Variants in SCMH1 observed in about 807,000 individuals in gnomAD.
SCMH1 encodes the protein polycomb protein SCMH1.
Under a neutral mutation model 70.8 loss-of-function variants are expected in SCMH1, and 37 were observed. The ratio of observed to expected loss-of-function variants is 0.52; its 90% CI spans 0.40 to 0.69. The LOEUF (loss-of-function observed/expected upper bound fraction) is 0.69. Among genes scored for constraint, SCMH1 ranks in the 30% least tolerant of loss-of-function variants. The pLI is 0.00. For missense variants in SCMH1, 607 were observed against 827.3 expected, an observed-to-expected ratio of 0.73 and a Z score of 3.27; for synonymous variants, 292 against 307.4, an observed-to-expected ratio of 0.95 and a Z score of 0.52.
chr1:41,167,015 C>G (rs1003146174), intron 2 of SCMH1, among the ~76,000 whole-genome samples: 3 of 151,978 alleles, frequency 2.0e-5, no homozygotes, highest in Non-Finnish European at 2.9e-5. Context: ...GAGGAACATT[C>G]CTTCCATATC....
At chr1:41,199,608 A>G (rs941318740) in intron 1 of SCMH1, among the ~76,000 whole-genome samples, 2 of 152,106 alleles carry the variant, frequency 1.3e-5, no homozygotes, top group Admixed American at 1.3e-4. Flanking sequence ...AAAAGCTAAT[A>G]TTAAAGGTTG....
chr1:41,077,283 A>C (rs1658583584), intron 8 of SCMH1, among the ~76,000 whole-genome samples: 1 of 152,104 alleles, frequency 6.6e-6, no homozygotes, highest in African/African-American at 2.4e-5. Context: ...CAGGCTTGGC[A>C]TGTGGTGAGG....
In SCMH1 at chr1:41,028,335, G is replaced by A. The variant is rs1277111438; in HGVS notation, c.1822-16C>T. On this transcript the variant is annotated splice_polypyrimidine_tract_variant and intron_variant, in intron 14 of 14. Transcript: ENST00000337495. The stretch of plus-strand genomic sequence containing the variant: ...CATCGATCTCCTGGGGGGTGGGGAG[G>A]TGGGCAGAAGTGGAAGGGAGGCACC... 1.2e-6 allele frequency: 2 copies of A among 1,612,712 alleles called. No individual in the cohort carries two copies. The highest frequency in any genetic ancestry group is 1.7e-5 in the Admixed American group (1 of 59,952).
intron 4 of SCMH1, among the ~76,000 whole-genome samples, chr1:41,156,303 A>G (rs1645537155): frequency 6.6e-6 from 1 of 152,234 alleles, no homozygotes; most frequent in Non-Finnish European, 1.5e-5. Flanking sequence ...CAAATTCTTA[A>G]AAACAATTAA....
At chr1:41,052,090 T>C (rs1027050149) in intron 10 of SCMH1, among the ~76,000 whole-genome samples, 1 of 152,250 alleles carries the variant, frequency 6.6e-6, no homozygotes, top group Non-Finnish European at 1.5e-5. Context: ...ACCATTGTGC[T>C]GCAACTGCCT....
chr1:41,177,951 T>C (rs909095292), intron 2 of SCMH1, among the ~76,000 whole-genome samples: 3 of 151,966 alleles, frequency 2.0e-5, no homozygotes, highest in African/African-American at 7.3e-5. Context: ...TTCACCAAAG[T>C]TGAAATGAAG....
intron 6 of SCMH1, among the ~76,000 whole-genome samples, chr1:41,131,683 C>A (rs894151452): frequency 2.6e-5 from 4 of 152,154 alleles, no homozygotes; most frequent in Admixed American, 6.5e-5. Flanking sequence ...AGGTATTTCT[C>A]CTAATGCTAT....
chr1:41,235,103 A>G (rs1304907075), intron 1 of SCMH1, among the ~76,000 whole-genome samples: 2 of 152,164 alleles, frequency 1.3e-5, no homozygotes, highest in Non-Finnish European at 2.9e-5. Flanking sequence ...TTCAACCAGA[A>G]CATTAGTTAC....
chr1:41,039,807 A>C (rs1222060829), intron 12 of SCMH1, among the ~76,000 whole-genome samples: 2 of 152,118 alleles, frequency 1.3e-5, no homozygotes. Flanking sequence ...TGTGTTCTAC[A>C]GAGCCCTGTG....
chr1:41,127,285 T>A (rs891165044), intron 6 of SCMH1, among the ~76,000 whole-genome samples: 15 of 152,184 alleles, frequency 9.9e-5, no homozygotes, highest in African/African-American at 3.1e-4. Flanking sequence ...TTGCAAATAT[T>A]TTCTCCCATT....
chr1:41,168,687 G>T (rs1240012114), intron 2 of SCMH1, among the ~76,000 whole-genome samples: 4 of 126,908 alleles, frequency 3.2e-5, no homozygotes, highest in Non-Finnish European at 1.6e-5. Context: ...TTTTGTGTTA[G>T]CTTCTATGCA....
intron 8 of SCMH1, among the ~76,000 whole-genome samples, chr1:41,100,271 C>T (rs938481882): frequency 1.3e-5 from 2 of 152,120 alleles, no homozygotes; most frequent in Non-Finnish European, 2.9e-5. Context: ...AAAGCACTTT[C>T]CACTTAGCCT....
At chr1:41,213,186 A>C (rs1046890048) in intron 1 of SCMH1, among the ~76,000 whole-genome samples, 7 of 152,230 alleles carry the variant, frequency 4.6e-5, no homozygotes, top group African/African-American at 1.7e-4. Flanking sequence ...CCTCCAAATT[A>C]GTTACAAACC....
intron 1 of SCMH1, among the ~76,000 whole-genome samples, chr1:41,221,998 C>A (rs1286013693): frequency 1.3e-5 from 2 of 149,936 alleles, no homozygotes; most frequent in Non-Finnish European, 3.0e-5. Context: ...GAGAGCAGAA[C>A]CATCTACAAA....
At chr1:41,217,061 G>T (rs1658242228) in intron 1 of SCMH1, among the ~76,000 whole-genome samples, 1 of 152,188 alleles carries the variant, frequency 6.6e-6, no homozygotes, top group Non-Finnish European at 1.5e-5. Context: ...GGGGTAACGG[G>T]TAGGGACTGA....
chr1:41,086,726 A>C (rs933343873), intron 8 of SCMH1, among the ~76,000 whole-genome samples: 1 of 152,120 alleles, frequency 6.6e-6, no homozygotes, highest in African/African-American at 2.4e-5. Context: ...GCAACATAGC[A>C]AGATGCTGTC....
At chr1:41,195,138 A>T (rs1349498096) in intron 1 of SCMH1, among the ~76,000 whole-genome samples, 2 of 144,388 alleles carry the variant, frequency 1.4e-5, no homozygotes, top group Non-Finnish European at 3.0e-5. Context: ...TCTCAAAAAA[A>T]AAAAAAAAAA....
intron 1 of SCMH1, among the ~76,000 whole-genome samples, chr1:41,235,113 C>T (rs1346516486): frequency 6.6e-6 from 1 of 152,100 alleles, no homozygotes; most frequent in Non-Finnish European, 1.5e-5. Flanking sequence ...ACATTAGTTA[C>T]ATTAGATTGA....
At chr1:41,141,849 A>T (rs1026996736) in intron 6 of SCMH1, among the ~76,000 whole-genome samples, 1 of 152,152 alleles carries the variant, frequency 6.6e-6, no homozygotes, top group Non-Finnish European at 1.5e-5. Flanking sequence ...ACAATCCAGA[A>T]AATTTAAACA....
Sources: allele counts gnomAD v4.1 joint callset (sites outside exome capture counted in the v4.1 genomes callset), GRCh38; gene constraint gnomAD v4.1.1; transcripts MANE v1.5; gene names NCBI Gene and HGNC (gene_info 2026-07-23, HGNC 2026-07-21).